Variants in HLCS observed in about 807,000 individuals in gnomAD.
The protein encoded by HLCS is holocarboxylase synthetase, also known as biotin--protein ligase.
Under a neutral mutation model 75.0 loss-of-function variants are expected in HLCS, and 53 were observed. The observed-to-expected ratio is 0.71, with a 90% CI of 0.57 to 0.89. The LOEUF (loss-of-function observed/expected upper bound fraction) is 0.89, where lower values mean the gene tolerates loss of function less well. Ranked by LOEUF, HLCS falls within the 40% of genes least tolerant of loss-of-function variation. The pLI, the probability that HLCS is intolerant of heterozygous loss-of-function variation, is 0.00. For missense variants in HLCS, 966 were observed against 1,074.0 expected (o/e 0.90, Z 1.41); for synonymous variants, 431 against 428.6 (o/e 1.01, Z -0.07).
At chr21:36,908,376 C>T (rs2146385265) in intron 5 of HLCS, among the ~76,000 whole-genome samples, 1 of 147,970 alleles carries the variant, frequency 6.8e-6, no homozygotes, top group Admixed American at 6.8e-5. Context: ...GGCAACAGAG[C>T]AAGATCCTGT....
Position 36,930,418 on chromosome 21 carries a change from G to A in HLCS, c.1453C>T (p.Pro485Ser). ...AVLCQVHLELPPSSNIVQTPE... is the reference protein window; with the variant it reads ...AVLCQVHLELSPSSNIVQTPE... ...GTTTGCACTATGTTGGAGCTGGGAG[G>A]TAGTTCTAAGTGCACCTGAAGGGGA... Residue 485 changes from proline (P) to serine (S), a missense_variant, in exon 5 of 11, where the codon CCT becomes TCT. Physicochemically the swap from Pro to Ser is moderately conservative, Grantham distance 74. Transcript: ENST00000674895. The A allele has an allele frequency of 6.2e-7, 1 of 1,614,104 alleles. No homozygotes were observed. Among genetic ancestry groups the A allele is most frequent in the African/African-American group, 1.3e-5 (1 of 75,048 alleles).
At chr21:36,848,971 A>T (rs2062891733) in intron 6 of HLCS, among the ~76,000 whole-genome samples, 1 of 152,232 alleles carries the variant, frequency 6.6e-6, no homozygotes, top group Admixed American at 6.5e-5. Context: ...TTAATGAAGG[A>T]GAAAATGGAG....
intron 2 of HLCS, among the ~76,000 whole-genome samples, chr21:36,952,767 G>C (rs189899762): frequency 4.8e-5 from 7 of 144,842 alleles, no homozygotes; most frequent in African/African-American, 1.8e-4. Flanking sequence ...CTCCAGCCTG[G>C]TGACAGAGTG....
At position 36,902,387 on chromosome 21, in the gene HLCS, G is replaced by A. The variant is rs533919399; in HGVS notation, c.1621-5256C>T. Among the ~76,000 whole-genome samples, 283 of 152,316 alleles carry A rather than the reference G, an allele frequency of 1.9e-3. 2 individuals carry two copies. Among genetic ancestry groups the A allele is most frequent in the African/African-American group, 6.3e-3 (263 of 41,578 alleles). On this transcript the variant is annotated intron_variant, in intron 5 of 10. Transcript: ENST00000674895. ...AGAAGCAGAAAGGTCAGCCTTGGGA[G>A]CAGAGACAGCTCACCCATAGGGATG... is the stretch of plus-strand genomic sequence containing the variant.
At chr21:36,766,006 T>C (rs971941531) in intron 7 of HLCS, among the ~76,000 whole-genome samples, 1 of 152,200 alleles carries the variant, frequency 6.6e-6, no homozygotes, top group Non-Finnish European at 1.5e-5. Context: ...TTCCTGATAT[T>C]AACTGAGTTG....
At chr21:36,890,764 A>G (rs2064748786) in intron 6 of HLCS, among the ~76,000 whole-genome samples, 1 of 152,194 alleles carries the variant, frequency 6.6e-6, no homozygotes, top group Admixed American at 6.5e-5. Flanking sequence ...ATGTGTAAAC[A>G]CCTAAAAAAA....
chr21:36,939,474 A>G (rs1231792226), intron 2 of HLCS, among the ~76,000 whole-genome samples: 1 of 152,152 alleles, frequency 6.6e-6, no homozygotes, highest in African/African-American at 2.4e-5. Flanking sequence ...CTCCCTCCCT[A>G]TCTGGTGCAC....
chr21:36,923,348 G>A (rs893868074), intron 5 of HLCS, among the ~76,000 whole-genome samples: 7 of 152,172 alleles, frequency 4.6e-5, no homozygotes, highest in African/African-American at 9.6e-5. Context: ...AAAAGAGGCC[G>A]TTTCCCATCC....
At chr21:36,963,207 T>C (rs964287881) in intron 1 of HLCS, among the ~76,000 whole-genome samples, 2 of 152,148 alleles carry the variant, frequency 1.3e-5, no homozygotes, top group Non-Finnish European at 2.9e-5. Flanking sequence ...CTGAAATCTC[T>C]CTAAGAAAAA....
chr21:36,971,612 T>G (rs952488243), upstream of HLCS, among the ~76,000 whole-genome samples: 11 of 151,974 alleles, frequency 7.2e-5, no homozygotes, highest in African/African-American at 2.7e-4. Context: ...GCAGATCACC[T>G]GAAATCAAGA....
chr21:36,795,854 C>T (rs186633026), intron 6 of HLCS, among the ~76,000 whole-genome samples: 7 of 152,096 alleles, frequency 4.6e-5, no homozygotes, highest in East Asian at 1.9e-4. Context: ...AATGAATGAG[C>T]GAATAAATAT....
At chr21:36,980,001 T>C (rs1344201274) in intron 1 of HLCS, among the ~76,000 whole-genome samples, 2 of 112,702 alleles carry the variant, frequency 1.8e-5, no homozygotes, top group African/African-American at 3.5e-5. Flanking sequence ...TACTCCAGCC[T>C]GGGCGACAGA....
At chr21:36,790,683 G>C (rs559316899) in intron 6 of HLCS, among the ~76,000 whole-genome samples, 2 of 152,140 alleles carry the variant, frequency 1.3e-5, no homozygotes, top group Non-Finnish European at 1.5e-5. Context: ...AAACGCAAAC[G>C]GACGCAGGAA....
At chr21:36,924,538 C>T (rs1601758838) in intron 5 of HLCS, among the ~76,000 whole-genome samples, 4 of 152,180 alleles carry the variant, frequency 2.6e-5, no homozygotes, top group Admixed American at 2.6e-4. Flanking sequence ...CCAGCCTAGG[C>T]GACAAGAGCA....
chr21:36,895,353 G>A (rs975795424), intron 6 of HLCS, among the ~76,000 whole-genome samples: 1 of 152,180 alleles, frequency 6.6e-6, no homozygotes, highest in Non-Finnish European at 1.5e-5. Context: ...ACAAGCAAGT[G>A]ATGACTGTTC....
chr21:36,925,927 T>C (rs1267541580), intron 5 of HLCS, among the ~76,000 whole-genome samples: 1 of 152,260 alleles, frequency 6.6e-6, no homozygotes, highest in Non-Finnish European at 1.5e-5. Context: ...ATGTTTTTTC[T>C]GGTGTTCTGT....
chr21:36,769,113 A>C (rs1365112791), intron 6 of HLCS, among the ~76,000 whole-genome samples: 1 of 152,234 alleles, frequency 6.6e-6, no homozygotes, highest in Non-Finnish European at 1.5e-5. Context: ...TCAGAAACCA[A>C]ACACAGACTT....
intron 6 of HLCS, among the ~76,000 whole-genome samples, chr21:36,779,975 T>C (rs1185717960): frequency 6.6e-6 from 1 of 152,210 alleles, no homozygotes; most frequent in Non-Finnish European, 1.5e-5. Flanking sequence ...ATCTCATTCA[T>C]TTCTGGTTTA....
chr21:36,811,726 T>C (rs1329196440), intron 6 of HLCS, among the ~76,000 whole-genome samples: 1 of 152,218 alleles, frequency 6.6e-6, no homozygotes, highest in East Asian at 1.9e-4. Context: ...AAGACACCCA[T>C]GAAACAATGC....
Sources: gnomAD v4.1 joint callset for allele counts (sites outside exome capture counted in the v4.1 genomes callset) on GRCh38, gnomAD v4.1.1 for gene constraint, MANE v1.5 for transcripts, NCBI Gene and HGNC (gene_info 2026-07-23, HGNC 2026-07-21) for gene names.